MACROD2: variants seen among roughly 807,000 people sequenced by gnomAD.
MACROD2 encodes the protein mono-ADP ribosylhydrolase 2.
MACROD2 carries 36 observed loss-of-function variants against 70.4 expected under a neutral mutation model. The observed-to-expected ratio is 0.51, with a 90% CI of 0.39 to 0.68. The LOEUF is 0.68. Ranked by LOEUF, MACROD2 falls within the 30% of genes least tolerant of loss-of-function variation. MACROD2 has a pLI of 0.00. For missense variants in MACROD2, 496 were observed against 538.4 expected, an observed-to-expected ratio of 0.92 and a Z score of 0.78; for synonymous variants, 172 against 178.8, an observed-to-expected ratio of 0.96 and a Z score of 0.30.
intron 5 of MACROD2, among the ~76,000 whole-genome samples, chr20:14,777,060 T>A (rs1355620774): frequency 6.6e-6 from 1 of 152,108 alleles, no homozygotes; most frequent in African/African-American, 2.4e-5. Flanking sequence ...TTATCCATTT[T>A]CCTATTGACG....
intron 3 of MACROD2, among the ~76,000 whole-genome samples, chr20:14,227,239 T>A (rs903360551): frequency 6.6e-6 from 1 of 152,088 alleles, no homozygotes; most frequent in Non-Finnish European, 1.5e-5. Flanking sequence ...CAGCAGGATG[T>A]GGGTGGGGCC....
intron 3 of MACROD2, among the ~76,000 whole-genome samples, chr20:14,147,375 A>G (rs1016474340): frequency 2.0e-5 from 3 of 152,242 alleles, no homozygotes; most frequent in African/African-American, 7.2e-5. Flanking sequence ...AATGAGATTA[A>G]TAATAGTAAC....
chr20:14,171,531 G>A (rs1379735836), intron 3 of MACROD2, among the ~76,000 whole-genome samples: 1 of 152,112 alleles, frequency 6.6e-6, no homozygotes, highest in African/African-American at 2.4e-5. Context: ...GTGATAGGCT[G>A]TGTCACTATT....
intron 5 of MACROD2, among the ~76,000 whole-genome samples, chr20:15,222,286 C>T (rs2076868885): frequency 6.6e-6 from 1 of 152,102 alleles, no homozygotes; most frequent in Non-Finnish European, 1.5e-5. Context: ...AAAGGAACAT[C>T]TTATAGACAA....
intron 3 of MACROD2, among the ~76,000 whole-genome samples, chr20:14,184,511 T>C (rs1328480338): frequency 6.7e-6 from 1 of 150,192 alleles, no homozygotes; most frequent in African/African-American, 2.4e-5. Flanking sequence ...GCTATTTGGT[T>C]TTTTTTTTTG....
chr20:15,662,288 G>A (rs150224923), intron 8 of MACROD2, among the ~76,000 whole-genome samples: 8 of 152,166 alleles, frequency 5.3e-5, no homozygotes, highest in East Asian at 1.9e-4. Context: ...CCCCGGGCAC[G>A]GGGTCTGGAA....
intron 5 of MACROD2, among the ~76,000 whole-genome samples, chr20:14,688,360 A>T (rs1167173356): frequency 6.6e-6 from 1 of 152,202 alleles, no homozygotes; most frequent in Non-Finnish European, 1.5e-5. Flanking sequence ...TAATCTATTC[A>T]TAAATGGTTG....
chr20:14,664,473 G>A (rs1035441172), intron 4 of MACROD2, among the ~76,000 whole-genome samples: 1 of 151,870 alleles, frequency 6.6e-6, no homozygotes, highest in African/African-American at 2.4e-5. Flanking sequence ...TTTTTTTTAG[G>A]CATGTAATAA....
intron 5 of MACROD2, among the ~76,000 whole-genome samples, chr20:15,229,425 CAAGG>C (rs1288408336): frequency 6.6e-6 from 1 of 152,122 alleles, no homozygotes; most frequent in Non-Finnish European, 1.5e-5. Context: ...TTATTCTTCT[CAAGG>C]TTATTAATGA....
At chr20:14,866,472 AT>A (rs1047412886) in intron 5 of MACROD2, among the ~76,000 whole-genome samples, 1 of 152,062 alleles carries the variant, frequency 6.6e-6, no homozygotes, top group South Asian at 2.1e-4. Flanking sequence ...ATAGATGATG[AT>A]TTTTTTAAGT....
At chr20:15,018,665 G>A (rs1245207150) in intron 5 of MACROD2, among the ~76,000 whole-genome samples, 1 of 151,966 alleles carries the variant, frequency 6.6e-6, no homozygotes, top group Non-Finnish European at 1.5e-5. Flanking sequence ...TATCCTAAAG[G>A]GCTAGGCCCG....
rs575572477 is a variant in MACROD2, at chr20:14,643,255, T to A, written c.302-41588T>A. Among the ~76,000 whole-genome samples, 110 of 152,306 alleles carry A rather than the reference T, an allele frequency of 7.2e-4. 4 individuals are homozygous for A. The South Asian group carries it at 0.022, about 31-fold the overall frequency. Reference sequence around the variant, plus strand: ...CTGGGTTTTAAAACAAAAAATAGGTTAAAAGTTAATTGCAGTCTCTTAACA... The same window carrying A: ...CTGGGTTTTAAAACAAAAAATAGGTAAAAAGTTAATTGCAGTCTCTTAACA... On this transcript the variant is annotated intron_variant, in intron 4 of 17. Transcript: ENST00000684519.
At chr20:15,892,602 C>T (rs1329178618) in intron 10 of MACROD2, among the ~76,000 whole-genome samples, 6 of 152,190 alleles carry the variant, frequency 3.9e-5, no homozygotes, top group Non-Finnish European at 8.8e-5. Flanking sequence ...AAATCGAACA[C>T]TCTTGGAGGA....
intron 5 of MACROD2, among the ~76,000 whole-genome samples, chr20:14,713,110 AGT>A (rs913298073): frequency 2.6e-5 from 4 of 151,330 alleles, no homozygotes; most frequent in Non-Finnish European, 5.9e-5. Flanking sequence ...TTCTTGTGTG[AGT>A]GTGTGTGTGT....
chr20:15,924,410 T>C (rs1178226015), intron 10 of MACROD2, among the ~76,000 whole-genome samples: 1 of 152,198 alleles, frequency 6.6e-6, no homozygotes, highest in Admixed American at 6.5e-5. Context: ...AAAGAGCCAT[T>C]TGGACAATGC....
chr20:15,403,890 T>C (rs1276368058), intron 6 of MACROD2, among the ~76,000 whole-genome samples: 1 of 152,214 alleles, frequency 6.6e-6, no homozygotes, highest in African/African-American at 2.4e-5. Context: ...TAAATTCATA[T>C]TTGTTTAAGC....
chr20:15,652,097 A>G (rs1187713384), intron 8 of MACROD2, among the ~76,000 whole-genome samples: 1 of 152,096 alleles, frequency 6.6e-6, no homozygotes, highest in Non-Finnish European at 1.5e-5. Flanking sequence ...TAAGCAACCC[A>G]TTGTTCTGAT....
At chr20:15,859,040 T>C (rs2064390148) in intron 8 of MACROD2, among the ~76,000 whole-genome samples, 1 of 152,202 alleles carries the variant, frequency 6.6e-6, no homozygotes, top group Non-Finnish European at 1.5e-5. Flanking sequence ...GATTAACACA[T>C]ATTTTGTATG....
chr20:15,705,816 A>C (rs6043470), intron 8 of MACROD2, among the ~76,000 whole-genome samples: 38,752 of 152,082 alleles, frequency 0.25, 5,999 homozygotes, highest in African/African-American at 0.44. Context: ...GCTTCAATTT[A>C]TAAATAAGTA....
Sources: allele counts gnomAD v4.1 joint callset (sites outside exome capture counted in the v4.1 genomes callset), GRCh38; gene constraint gnomAD v4.1.1; transcripts MANE v1.5; gene names NCBI Gene and HGNC (gene_info 2026-07-23, HGNC 2026-07-21).